The following F2 variants were observed in gnomAD, a reference collection of about 807,000 sequenced individuals.
F2 encodes the protein coagulation factor II, thrombin.
F2 carries 34 observed loss-of-function variants against 81.9 expected under a neutral mutation model. That is an observed-to-expected ratio of 0.42 (90% CI 0.32 to 0.55). The LOEUF (loss-of-function observed/expected upper bound fraction) is 0.55. Among genes scored for constraint, F2 ranks in the 20% least tolerant of loss-of-function variants. The pLI, the probability that F2 is intolerant of heterozygous loss-of-function variation, is 0.18. For synonymous variants in F2, 296 were observed against 326.4 expected (o/e 0.91, Z 1.01); for missense variants, 630 against 833.4 (o/e 0.76, Z 3.00).
chr11:46,719,412 C>A lies in F2; in HGVS notation c.79+98C>A, dbSNP rs958872946. Reference sequence around the variant, plus strand: ...TGGACAGAGCACACAGAGCTGGCCCCTAAGTAGGTCTCAGCCCCAGGCGGC... The same window carrying A: ...TGGACAGAGCACACAGAGCTGGCCCATAAGTAGGTCTCAGCCCCAGGCGGC... On this transcript the variant is annotated intron_variant, in intron 1 of 13. Coordinates refer to ENST00000311907, the MANE Select transcript of F2 (RefSeq NM_000506.5). The surrounding 1 kb of genome is among the most constrained non-coding windows in gnomAD (Gnocchi z 4.7). 2.1e-6 allele frequency: 3 copies of A among 1,396,934 alleles called. No homozygotes were observed. Among genetic ancestry groups the A allele is most frequent in the African/African-American group, 1.4e-5 (1 of 70,260 alleles). 86.5% of individuals were successfully genotyped at this position (1,396,934 alleles called of 1,614,324 possible). A position where few individuals can be genotyped will look rare whatever the true frequency, so the allele number is the denominator to read the frequency against.
chr11:46,728,790 T>C lies in F2; in HGVS notation c.1425T>C (p.Ser475=). The part of the protein sequence containing the change: ...LMKLKKPVAF[S]DYIHPVCLPD... ...AGCTGAAGAAGCCTGTTGCCTTCAG[T>C]GACTACATTCACCCTGTGTGTCTGC... is the stretch of plus-strand genomic sequence containing the variant. Residue 475 remains serine, a synonymous_variant, in exon 11 of 14, where the codon AGT becomes AGC. Coordinates refer to ENST00000311907, the MANE Select transcript of F2 (RefSeq NM_000506.5). The surrounding 1 kb of genome is among the most constrained non-coding windows in gnomAD (Gnocchi z 5.1). The C allele has an allele frequency of 6.2e-7, 1 of 1,614,158 alleles. No individual in the cohort carries two copies.
At position 46,739,061 on chromosome 11, in the gene F2, TGAAGG is replaced by T; in HGVS notation, c.1672_1676del (p.Gly558ThrfsTer6). The T allele has an allele frequency of 6.2e-7, 1 of 1,614,148 alleles. No individual in the cohort carries two copies. The highest frequency in any genetic ancestry group is 1.7e-5 in the Admixed American group (1 of 60,018). On this transcript the variant is annotated frameshift_variant, in exon 13 of 14. Coordinates refer to ENST00000311907, the MANE Select transcript of F2 (RefSeq NM_000506.5). LOFTEE classifies it high-confidence loss of function. ...TTCTCTTTCAAGGTTACAAGCCTGA[TGAAGG>T]GAAACGAGGGGATGCCTGTGAAGGT...
chr11:46,737,441 CTTTTT>C (rs71042617), intron 12 of F2, among the ~76,000 whole-genome samples: 1 of 94,228 alleles, frequency 1.1e-5, no homozygotes. Flanking sequence ...CGTGCCTGGC[CTTTTT>C]TTTTTTTTTT....
chr11:46,735,258 G>A, intron 12 of F2, among the ~76,000 whole-genome samples: 1 of 151,970 alleles, frequency 6.6e-6, no homozygotes. Flanking sequence ...TGGCCAACAT[G>A]GTGAAACCCT....
At position 46,726,263 on chromosome 11, in the gene F2, A is replaced by T; in HGVS notation, c.874+90A>T. 1 of 1,538,120 alleles carries T rather than the reference A, an allele frequency of 6.5e-7. No homozygotes were observed. Among genetic ancestry groups the T allele is most frequent in the Middle Eastern group, 1.7e-4 (1 of 5,944 alleles). Reference sequence around the variant, plus strand: ...CTTCTGCTTATCGAACGCTTACCTCATTGAGTGCGCTCATTACAGCCTTAC... The same window carrying T: ...CTTCTGCTTATCGAACGCTTACCTCTTTGAGTGCGCTCATTACAGCCTTAC... On this transcript the variant is annotated intron_variant, in intron 7 of 13. Coordinates refer to ENST00000311907, the MANE Select transcript of F2 (RefSeq NM_000506.5). The surrounding 1 kb of genome is among the most constrained non-coding windows in gnomAD (Gnocchi z 5.9).
At position 46,728,901 on chromosome 11, in the gene F2, C is replaced by A; in HGVS notation, c.1472+64C>A. ...CAAGTTCTGGGCCTGGCTCTGATAC[C>A]AAGTAGCCTTGCAAGAGCCCCTTTC... is the stretch of plus-strand genomic sequence containing the variant. On this transcript the variant is annotated intron_variant, in intron 11 of 13. Coordinates refer to ENST00000311907, the MANE Select transcript of F2 (RefSeq NM_000506.5). The surrounding 1 kb of genome is among the most constrained non-coding windows in gnomAD (Gnocchi z 5.1). The A allele has an allele frequency of 1.3e-6, 2 of 1,571,214 alleles. No individual in the cohort carries two copies. Among genetic ancestry groups the A allele is most frequent in the South Asian group, 1.1e-5 (1 of 89,890 alleles).
chr11:46,730,298 T>G (rs3136480), intron 12 of F2, among the ~76,000 whole-genome samples: 10,027 of 152,058 alleles, frequency 0.066, 389 homozygotes, highest in Non-Finnish European at 0.09. Flanking sequence ...AAGACTCCAT[T>G]GATCGATCGA....
rs368221335 is a variant in F2 at position 46,723,243 on chromosome 11, T to A, written c.380T>A (p.Ile127Asn). The A allele has an allele frequency of 6.8e-6, 11 of 1,613,784 alleles. No homozygotes were observed. Among genetic ancestry groups the A allele is most frequent in the Non-Finnish European group, 9.3e-6 (11 of 1,179,978 alleles). Reference protein sequence around the residue: ...RGHVNITRSGIECQLWRSRYP... With the variant: ...RGHVNITRSGNECQLWRSRYP... Reference sequence around the variant, plus strand: ...CATGTGAACATCACCCGGTCAGGCATTGAGTGCCAGCTATGGAGGAGTCGC... The same window carrying A: ...CATGTGAACATCACCCGGTCAGGCAATGAGTGCCAGCTATGGAGGAGTCGC... The change falls in exon 5 of 14, where the codon ATT (isoleucine) becomes AAT (asparagine). Residue 127 changes from isoleucine to asparagine, a missense_variant. By Grantham distance (149) the Ile-to-Asn change is moderately radical (BLOSUM62 -3). Coordinates refer to ENST00000311907, the MANE Select transcript of F2 (RefSeq NM_000506.5). The surrounding 1 kb of genome is among the most constrained non-coding windows in gnomAD (Gnocchi z 5.6).
At position 46,720,990 on chromosome 11, in the gene F2, G is replaced by C; in HGVS notation, c.316+150G>C. The C allele has an allele frequency of 7.9e-6, 6 of 759,896 alleles. No homozygotes were observed. The South Asian group carries it at 9.3e-5, about 12-fold the overall frequency. The allele number at this position is 759,896 out of a possible 1,614,324, so 47.1% of individuals were successfully genotyped here. On this transcript the variant is annotated intron_variant, in intron 4 of 13. Coordinates refer to ENST00000311907, the MANE Select transcript of F2 (RefSeq NM_000506.5). ...ATTCCTGGGGTCAAGATGTCTCTTT[G>C]TACCTGGCTCTGTGTCTGGCATGCG...
At chr11:46,727,187 A>G (rs750378114) in intron 9 of F2, among the ~76,000 whole-genome samples, 2 of 151,622 alleles carry the variant, frequency 1.3e-5, no homozygotes, top group East Asian at 3.9e-4. Context: ...ACACCCGGCT[A>G]ATTTTTGTAT....
chr11:46,720,777 G>A lies in F2; in HGVS notation c.266-13G>A, dbSNP rs1464453537. ...ACCCCAATCCCAAAGGTAAACACCT[G>A]GGTCTTTTCCAGCTTGTGAGACAGC... On this transcript the variant is annotated splice_polypyrimidine_tract_variant and intron_variant, in intron 3 of 13. Coordinates refer to ENST00000311907, the MANE Select transcript of F2 (RefSeq NM_000506.5). The A allele has an allele frequency of 1.9e-6, 3 of 1,614,088 alleles. No individual in the cohort carries two copies. The highest frequency in any genetic ancestry group is 2.5e-6 in the Non-Finnish European group (3 of 1,180,002).
chr11:46,734,675 G>A (rs2064933571), intron 12 of F2, among the ~76,000 whole-genome samples: 1 of 152,142 alleles, frequency 6.6e-6, no homozygotes. Context: ...GCTGGGCGTG[G>A]TGGCTGATGC....
intron 12 of F2, among the ~76,000 whole-genome samples, chr11:46,738,056 G>A (rs981502871): frequency 1.3e-5 from 2 of 152,064 alleles, no homozygotes; most frequent in South Asian, 4.2e-4. Context: ...GTAGTGCAGT[G>A]GTGCAATCCC....
chr11:46,737,356 C>T (rs1016571461), intron 12 of F2, among the ~76,000 whole-genome samples: 1 of 151,150 alleles, frequency 6.6e-6, no homozygotes, highest in African/African-American at 2.4e-5. Flanking sequence ...GTTAGCCAGG[C>T]TGGTCTCGAA....
At chr11:46,738,077 AACCTCC>A (rs2064955393) in intron 12 of F2, among the ~76,000 whole-genome samples, 2 of 151,814 alleles carry the variant, frequency 1.3e-5, no homozygotes. Flanking sequence ...GGCTCACTGC[AACCTCC>A]ACCTCCACCT....
At position 46,739,482 on chromosome 11, in the gene F2, T is replaced by C; in HGVS notation, c.*74T>C. 1.3e-6 allele frequency: 2 copies of C among 1,598,022 alleles called. No homozygotes were observed. The highest frequency in any genetic ancestry group is 1.3e-5 in the African/African-American group (1 of 74,722). On this transcript the variant is annotated 3_prime_UTR_variant, in exon 14 of 14. Coordinates refer to ENST00000311907, the MANE Select transcript of F2 (RefSeq NM_000506.5). ...ATTTTTGTGTTTCTAAAACTATGGT[T>C]CCCAATAAAAGTGACTCTCAGCGAG...
At chr11:46,735,652 G>A (rs1172206869) in intron 12 of F2, among the ~76,000 whole-genome samples, 1 of 150,770 alleles carries the variant, frequency 6.6e-6, no homozygotes, top group South Asian at 2.1e-4. Context: ...GCTGGGCGCG[G>A]TGGCTCACGC....
Position 46,723,310 on chromosome 11 carries a change from C to A in F2, c.422+25C>A. Reference sequence around the variant, plus strand: ...AGTGAGTGAGGGGCCGGCCTTCCCACCATGGGCTGAGAACAGGGAGCAAGC... The same window carrying A: ...AGTGAGTGAGGGGCCGGCCTTCCCAACATGGGCTGAGAACAGGGAGCAAGC... On this transcript the variant is annotated intron_variant, in intron 5 of 13. Transcript: ENST00000311907. This position sits in a 1 kb window ranked among gnomAD's most constrained non-coding sequence, Gnocchi z 5.6. 4 of 1,613,462 alleles carry A rather than the reference C, an allele frequency of 2.5e-6. No homozygotes were observed. Among genetic ancestry groups the A allele is most frequent in the Non-Finnish European group, 2.5e-6 (3 of 1,179,400 alleles).
rs1042718760 is a variant in F2 at position 46,726,426 on chromosome 11, G to A, written c.875-72G>A. 7.6e-6 allele frequency: 12 copies of A among 1,573,690 alleles called. No individual in the cohort carries two copies. The highest frequency in any genetic ancestry group is 3.8e-5 in the Admixed American group (2 of 52,722). On this transcript the variant is annotated intron_variant, in intron 7 of 13. Coordinates refer to ENST00000311907, the MANE Select transcript of F2 (RefSeq NM_000506.5). This position sits in a 1 kb window ranked among gnomAD's most constrained non-coding sequence, Gnocchi z 5.9. ...CAAATGGCCTCCAAGGCCCGTAGGG[G>A]AATTGGGGGGATCTAGGGGATGGGT...
Sources: gnomAD v4.1 joint callset for allele counts (sites outside exome capture counted in the v4.1 genomes callset) on GRCh38, gnomAD v4.1.1 for gene constraint, Gnocchi (gnomAD v3.1) non-coding constraint, MANE v1.5 for transcripts, NCBI Gene and HGNC (gene_info 2026-07-23, HGNC 2026-07-21) for gene names.